CCDC171: variants seen among roughly 807,000 people sequenced by gnomAD.
CCDC171 encodes the protein coiled-coil domain containing 171.
In CCDC171, 177 loss-of-function variants were observed where a neutral mutation model predicts 168.2. The ratio of observed to expected loss-of-function variants is 1.05; its 90% CI spans 0.93 to 1.19. The LOEUF is 1.19. CCDC171 is among the 50% of genes most tolerant of loss of function. The pLI is 0.00. For synonymous variants in CCDC171, 687 were observed against 540.8 expected, an observed-to-expected ratio of 1.27 and a Z score of -3.75; for missense variants, 1,991 against 1,539.0, an observed-to-expected ratio of 1.29 and a Z score of -4.91.
chr9:15,686,513 T>TA (rs1234091177), intron 10 of CCDC171, among the ~76,000 whole-genome samples: 1 of 150,490 alleles, frequency 6.6e-6, no homozygotes, highest in African/African-American at 2.4e-5. Flanking sequence ...AGACTCCATC[T>TA]AAAAAAATAA....
intron 6 of CCDC171, among the ~76,000 whole-genome samples, chr9:16,023,508 T>C (rs112481433): frequency 0.016 from 2,366 of 152,270 alleles, 62 homozygotes; most frequent in African/African-American, 0.053. Flanking sequence ...TTTATTCCTA[T>C]AGCTTGAGGC....
At chr9:15,612,285 A>G (rs2043756063) in intron 6 of CCDC171, among the ~76,000 whole-genome samples, 3 of 152,214 alleles carry the variant, frequency 2.0e-5, no homozygotes, top group Admixed American at 1.3e-4. Context: ...TTTAGAAAAG[A>G]TGAAAAAGCT....
chr9:15,778,643 C>CAAAAAAA lies in CCDC171; in HGVS notation c.2899-309_2899-303dup, dbSNP rs527592822. On this transcript the variant is annotated intron_variant, in intron 19 of 25. Transcript: ENST00000380701. ...CCTGGCCTACAGAGTAAGACTGTCT[C>CAAAAAAA]AAAAAAAAAAAAAAAAAAAAAAGGC... Among the ~76,000 whole-genome samples the CAAAAAAA allele has an allele frequency of 3.3e-3, 195 of 58,784 alleles. 21 individuals carry two copies. The highest frequency in any genetic ancestry group is 4.1e-3 in the South Asian group (4 of 972). 38.6% of individuals were successfully genotyped at this position (58,784 alleles called of 152,430 possible). A position where few individuals can be genotyped will look rare whatever the true frequency, so the allele number is the denominator to read the frequency against.
At position 15,744,515 on chromosome 9, in the gene CCDC171, G is replaced by A; in HGVS notation, c.2292G>A (p.Leu764=). 6.2e-7 allele frequency: 1 copy of A among 1,614,174 alleles called. No individual in the cohort carries two copies. Among genetic ancestry groups the A allele is most frequent in the Non-Finnish European group, 8.5e-7 (1 of 1,180,026 alleles). Reference sequence around the variant, plus strand: ...AGGAGCAGGTCAACACCTTTGAGTTGTTCAAACTGGAAATTAGAACTCTAG... The same window carrying A: ...AGGAGCAGGTCAACACCTTTGAGTTATTCAAACTGGAAATTAGAACTCTAG... The part of the protein sequence containing the change: ...FLQEQVNTFE[L]FKLEIRTLAQ... The change falls in exon 17 of 26, where the codon TTG becomes TTA. Residue 764 remains leucine, a synonymous_variant. Transcript: ENST00000380701.
intron 1 of CCDC171, among the ~76,000 whole-genome samples, chr9:15,556,954 C>T (rs567794208): frequency 2.0e-5 from 3 of 152,280 alleles, no homozygotes; most frequent in African/African-American, 7.2e-5. Context: ...CAGCTTTCTG[C>T]ATATGGCTAG....
chr9:15,815,189 C>T, intron 21 of CCDC171, among the ~76,000 whole-genome samples: 1 of 152,122 alleles, frequency 6.6e-6, no homozygotes, highest in South Asian at 2.1e-4. Flanking sequence ...CTGTTAGCAG[C>T]CTCACAGGGG....
intron 18 of CCDC171, among the ~76,000 whole-genome samples, chr9:15,775,404 G>C (rs551296249): frequency 6.6e-6 from 1 of 152,128 alleles, no homozygotes; most frequent in South Asian, 2.1e-4. Flanking sequence ...TCGCTCTGTT[G>C]CCCTCCCGAG....
chr9:15,653,224 T>G (rs1185632187), intron 7 of CCDC171, among the ~76,000 whole-genome samples: 3 of 152,118 alleles, frequency 2.0e-5, no homozygotes, highest in Non-Finnish European at 4.4e-5. Context: ...ACTGCAGCCT[T>G]GATTTCCTGG....
chr9:15,751,818 C>G (rs1041765222), intron 18 of CCDC171, among the ~76,000 whole-genome samples: 2 of 152,106 alleles, frequency 1.3e-5, no homozygotes, highest in African/African-American at 4.8e-5. Context: ...AGAAGAAAAC[C>G]TGGGCAGTAC....
intron 24 of CCDC171, among the ~76,000 whole-genome samples, chr9:15,893,161 C>T (rs768209657): frequency 1.4e-4 from 22 of 152,078 alleles, no homozygotes; most frequent in Admixed American, 5.2e-4. Context: ...CTTTGACAAA[C>T]CTGACAAAAA....
chr9:15,955,678 G>C (rs1829726137), intron 25 of CCDC171, among the ~76,000 whole-genome samples: 1 of 152,118 alleles, frequency 6.6e-6, no homozygotes, highest in South Asian at 2.1e-4. Context: ...GCTTTCATCA[G>C]ACAGATTCTG....
intron 23 of CCDC171, among the ~76,000 whole-genome samples, chr9:15,849,947 T>A (rs2061055909): frequency 6.6e-6 from 1 of 151,290 alleles, no homozygotes. Flanking sequence ...CAAAAGTATT[T>A]TGAAAAAAAA....
At chr9:15,791,063 T>G (rs1213221139) in intron 21 of CCDC171, among the ~76,000 whole-genome samples, 4 of 152,178 alleles carry the variant, frequency 2.6e-5, no homozygotes, top group Admixed American at 6.5e-5. Flanking sequence ...TTGCTTAGGA[T>G]TGTCTTGGCG....
At chr9:15,582,998 C>T (rs1367774931) in intron 4 of CCDC171, among the ~76,000 whole-genome samples, 2 of 151,640 alleles carry the variant, frequency 1.3e-5, no homozygotes, top group East Asian at 1.9e-4. Context: ...TGGGTATCTT[C>T]CCAGAGGAAA....
chr9:15,971,265 G>A (rs752995207), intron 25 of CCDC171, among the ~76,000 whole-genome samples: 2 of 151,970 alleles, frequency 1.3e-5, no homozygotes, highest in Admixed American at 1.3e-4. Flanking sequence ...AATGCTATTA[G>A]CATCGGTTTC....
In CCDC171 at chr9:15,623,471, G is replaced by GCACACACACACACACA. The variant is rs1424407806; in HGVS notation, c.822+59_822+60insACACACACACACACAC. 4.9e-5 allele frequency: 25 copies of GCACACACACACACACA among 505,406 alleles called. No homozygotes were observed. The African/African-American group carries it at 7.0e-4, about 14-fold the overall frequency. The allele number at this position is 505,406 out of a possible 1,614,324, so 31.3% of individuals were successfully genotyped here. ...CGTACAAACTTTCACATATGCGCGC[G>GCACACACACACACACA]CGCGCACACACACACACACACACAC... On this transcript the variant is annotated intron_variant, in intron 7 of 25. Coordinates refer to ENST00000380701, the MANE Select transcript of CCDC171 (RefSeq NM_173550.4).
intron 24 of CCDC171, among the ~76,000 whole-genome samples, chr9:15,911,854 T>C (rs949475222): frequency 2.0e-5 from 3 of 152,120 alleles, no homozygotes; most frequent in African/African-American, 4.8e-5. Flanking sequence ...GATCAGATGG[T>C]TGTAGATGTG....
At chr9:15,706,228 C>CCTTG (rs1439008518) in intron 11 of CCDC171, among the ~76,000 whole-genome samples, 8 of 150,846 alleles carry the variant, frequency 5.3e-5, no homozygotes. Context: ...TTCCTTCCTT[C>CCTTG]CTTCCTTCCT....
chr9:15,829,642 G>A (rs1396176564), intron 21 of CCDC171, among the ~76,000 whole-genome samples: 1 of 152,156 alleles, frequency 6.6e-6, no homozygotes. Flanking sequence ...TATGTAGGCT[G>A]GGCATGGTGG....
Sources: gnomAD v4.1 joint callset for allele counts (sites outside exome capture counted in the v4.1 genomes callset) on GRCh38, gnomAD v4.1.1 for gene constraint, MANE v1.5 for transcripts, NCBI Gene and HGNC (gene_info 2026-07-23, HGNC 2026-07-21) for gene names.